KATNAL1: variants seen among roughly 807,000 people sequenced by gnomAD.
The protein encoded by KATNAL1 is katanin p60 ATPase-containing subunit A-like 1.
Under a neutral mutation model 55.2 loss-of-function variants are expected in KATNAL1, and 32 were observed. The ratio of observed to expected loss-of-function variants is 0.58; its 90% CI spans 0.44 to 0.78. The LOEUF (loss-of-function observed/expected upper bound fraction) is 0.78, where lower values mean the gene tolerates loss of function less well. Ranked by LOEUF, KATNAL1 falls within the 30% of genes least tolerant of loss-of-function variation. The probability of loss-of-function intolerance (pLI) is 0.00; values close to 1 mark genes in which losing one functional copy is unlikely to be tolerated. For missense variants in KATNAL1, 466 were observed against 600.9 expected (o/e 0.78, Z 2.35); for synonymous variants, 193 against 193.6 (o/e 1.00, Z 0.02).
At chr13:30,236,347 C>T (rs1876682480) in intron 6 of KATNAL1, among the ~76,000 whole-genome samples, 1 of 152,144 alleles carries the variant, frequency 6.6e-6, no homozygotes, top group African/African-American at 2.4e-5. Context: ...GTGCTCTCAA[C>T]CTGTGAAGTT....
intron 4 of KATNAL1, among the ~76,000 whole-genome samples, chr13:30,246,412 TAAAC>T (rs1343104753): frequency 6.6e-6 from 1 of 152,142 alleles, no homozygotes; most frequent in Non-Finnish European, 1.5e-5. Flanking sequence ...ATTTAAGACT[TAAAC>T]TAACACCTAA....
intron 9 of KATNAL1, chr13:30,210,650 G>GAAAAAAAAAAAAAAAA (rs33951005): frequency 8.3e-6 from 1 of 120,268 alleles, no homozygotes. Flanking sequence ...ACTAAAAATT[G>GAAAAAAAAAAAAAAAA]AAAAAAAAAA....
At position 30,301,290 on chromosome 13, in the gene KATNAL1, C is replaced by T. The variant is rs573640433; in HGVS notation, c.-15+6041G>A. 3.9e-5 allele frequency among the ~76,000 whole-genome samples: 6 copies of T among 152,256 alleles called. No individual in the cohort carries two copies. In the South Asian group the frequency reaches 1.2e-3, roughly 32 times the overall value. ...GAGGCTGAGGCGGCAGAAGCTTGAA[C>T]CCAGGAGACGGAGGTTGCAGTGAGC... is the stretch of plus-strand genomic sequence containing the variant. On this transcript the variant is annotated intron_variant, in intron 1 of 10. Coordinates refer to ENST00000380615, the MANE Select transcript of KATNAL1 (RefSeq NM_032116.5).
Position 30,289,756 on chromosome 13 carries a change from G to A in KATNAL1, c.-14-5965C>T, listed in dbSNP as rs78123609. 8.5e-3 allele frequency among the ~76,000 whole-genome samples: 1,297 copies of A among 152,210 alleles called. 26 individuals carry two copies. The highest frequency in any genetic ancestry group is 0.03 in the African/African-American group (1,236 of 41,528). On this transcript the variant is annotated intron_variant, in intron 1 of 10. Coordinates refer to ENST00000380615, the MANE Select transcript of KATNAL1 (RefSeq NM_032116.5). ...ATGATGTGTATGCATTGATAATAAAGTAAAATGTCACAGCACAGTGATATG... is the reference window on the plus strand; with the variant it reads ...ATGATGTGTATGCATTGATAATAAAATAAAATGTCACAGCACAGTGATATG...
intron 3 of KATNAL1, among the ~76,000 whole-genome samples, chr13:30,257,176 C>A: frequency 6.6e-6 from 1 of 150,850 alleles, no homozygotes; most frequent in African/African-American, 2.4e-5. Context: ...TGTTTTTTGA[C>A]CTAATTTTTT....
chr13:30,303,323 T>G (rs916208411), intron 1 of KATNAL1, among the ~76,000 whole-genome samples: 4 of 152,236 alleles, frequency 2.6e-5, no homozygotes, highest in African/African-American at 9.6e-5. Flanking sequence ...AATGCCCATA[T>G]CTCACTTTTA....
chr13:30,274,000 G>A (rs1880567411), intron 3 of KATNAL1, among the ~76,000 whole-genome samples: 1 of 152,124 alleles, frequency 6.6e-6, no homozygotes, highest in African/African-American at 2.4e-5. Context: ...CAGGGAACAT[G>A]TCTATTTCTG....
At chr13:30,277,865 C>T (rs891030006) in intron 3 of KATNAL1, among the ~76,000 whole-genome samples, 1 of 149,374 alleles carries the variant, frequency 6.7e-6, no homozygotes, top group Non-Finnish European at 1.5e-5. Context: ...CGCCTGTAGT[C>T]CCAGCTACTT....
intron 4 of KATNAL1, among the ~76,000 whole-genome samples, chr13:30,245,926 T>C (rs1877748342): frequency 6.6e-6 from 1 of 152,224 alleles, no homozygotes. Context: ...AAACATTCCA[T>C]GCTCATGGAT....
At chr13:30,246,586 A>G (rs1480345890) in intron 4 of KATNAL1, among the ~76,000 whole-genome samples, 1 of 152,236 alleles carries the variant, frequency 6.6e-6, no homozygotes, top group Non-Finnish European at 1.5e-5. Flanking sequence ...AAAAGAAACT[A>G]TCATCAGAGC....
chr13:30,251,567 G>T (rs1041020344), intron 4 of KATNAL1, among the ~76,000 whole-genome samples: 1 of 152,142 alleles, frequency 6.6e-6, no homozygotes, highest in African/African-American at 2.4e-5. Context: ...ACCCTCAGCA[G>T]ATACCAAATC....
rs1240364306 is a variant in KATNAL1 at position 30,208,414 on chromosome 13, A to AT, written c.*125dup. On this transcript the variant is annotated 3_prime_UTR_variant, in exon 11 of 11. Transcript: ENST00000380615. ...CATTTAGTATTCTTCGCAGTTTTAG[A>AT]TTTTTTTTTCCTTTAAGCGAAAACC... is the stretch of plus-strand genomic sequence containing the variant. 396 of 722,560 alleles carry AT rather than the reference A, an allele frequency of 5.5e-4. No individual in the cohort carries two copies. The highest frequency in any genetic ancestry group is 6.6e-4 in the Non-Finnish European group (301 of 456,990). The allele number at this position is 722,560 out of a possible 1,614,324, so 44.8% of individuals were successfully genotyped here. A position where few individuals can be genotyped will look rare whatever the true frequency, so the allele number is the denominator to read the frequency against.
intron 9 of KATNAL1, among the ~76,000 whole-genome samples, chr13:30,216,731 G>T (rs551466589): frequency 3.9e-5 from 6 of 152,204 alleles, no homozygotes; most frequent in African/African-American, 1.4e-4. Flanking sequence ...TGTGCCTACC[G>T]ATACAGAAGG....
In KATNAL1 at chr13:30,208,466, G is replaced by GT; in HGVS notation, c.*73dup. 5 of 1,337,452 alleles carry GT rather than the reference G, an allele frequency of 3.7e-6. No homozygotes were observed. Among genetic ancestry groups the GT allele is most frequent in the East Asian group, 2.5e-5 (1 of 40,378 alleles). 82.8% of individuals were successfully genotyped at this position (1,337,452 alleles called of 1,614,324 possible). A position where few individuals can be genotyped will look rare whatever the true frequency, so the allele number is the denominator to read the frequency against. ...CTCCACTGAAAAAAATTCCAAACTT[G>GT]TTTTTTAAAAATTGCAGGAATTTCT... On this transcript the variant is annotated 3_prime_UTR_variant, in exon 11 of 11. Coordinates refer to ENST00000380615, the MANE Select transcript of KATNAL1 (RefSeq NM_032116.5).
intron 3 of KATNAL1, among the ~76,000 whole-genome samples, chr13:30,261,867 C>T (rs2137479094): frequency 6.6e-6 from 1 of 152,112 alleles, no homozygotes; most frequent in Admixed American, 6.5e-5. Context: ...ACCAAGCGGA[C>T]CTAATAGACA....
chr13:30,264,155 G>A (rs906940316), intron 3 of KATNAL1, among the ~76,000 whole-genome samples: 3 of 151,406 alleles, frequency 2.0e-5, no homozygotes, highest in African/African-American at 7.3e-5. Context: ...AATGGTGCTG[G>A]GAAGACTGGC....
chr13:30,278,611 C>T (rs1026210671), intron 3 of KATNAL1, among the ~76,000 whole-genome samples: 6 of 152,210 alleles, frequency 3.9e-5, no homozygotes, highest in Non-Finnish European at 7.3e-5. Context: ...TGAAATGAAT[C>T]ATGGTGCTCT....
At chr13:30,232,895 A>G (rs1447255489) in intron 6 of KATNAL1, among the ~76,000 whole-genome samples, 2 of 152,206 alleles carry the variant, frequency 1.3e-5, no homozygotes, top group African/African-American at 4.8e-5. Context: ...CTGGATAGCC[A>G]TATGCAGAAG....
intron 4 of KATNAL1, among the ~76,000 whole-genome samples, chr13:30,253,318 T>G (rs1291679883): frequency 6.6e-6 from 1 of 152,194 alleles, no homozygotes; most frequent in Non-Finnish European, 1.5e-5. Flanking sequence ...GCGGAGTTCT[T>G]TTCTTTTCTT....
Sources: gnomAD v4.1 joint callset for allele counts (sites outside exome capture counted in the v4.1 genomes callset) on GRCh38, gnomAD v4.1.1 for gene constraint, MANE v1.5 for transcripts, NCBI Gene and HGNC (gene_info 2026-07-23, HGNC 2026-07-21) for gene names.